The following NEDD4 variants were observed in gnomAD, a reference collection of about 807,000 sequenced individuals.
NEDD4 encodes E3 ubiquitin-protein ligase NEDD4.
A neutral mutation model predicts 144.9 loss-of-function variants in NEDD4; 99 were observed. That is an observed-to-expected ratio of 0.68 (90% confidence interval 0.58 to 0.81). The LOEUF is 0.81. Among genes scored for constraint, NEDD4 ranks in the 30% least tolerant of loss-of-function variants. NEDD4 has a pLI of 0.00. For synonymous variants in NEDD4, 318 were observed against 350.6 expected (o/e 0.91, Z 1.04); for missense variants, 985 against 1,065.9 (o/e 0.92, Z 1.06).
At chr15:55,909,872 T>A (rs1383604522) in intron 5 of NEDD4, among the ~76,000 whole-genome samples, 1 of 152,188 alleles carries the variant, frequency 6.6e-6, no homozygotes, top group Non-Finnish European at 1.5e-5. Flanking sequence ...CTATTTTGTC[T>A]CGTCTTATTT....
At chr15:55,977,611 C>G (rs2037727307) in intron 1 of NEDD4, among the ~76,000 whole-genome samples, 1 of 151,814 alleles carries the variant, frequency 6.6e-6, no homozygotes, top group African/African-American at 2.4e-5. Flanking sequence ...AAATATATAG[C>G]TGATCTTTCA....
chr15:55,941,510 T>A (rs191942085), intron 4 of NEDD4, among the ~76,000 whole-genome samples: 20 of 152,250 alleles, frequency 1.3e-4, no homozygotes, highest in Non-Finnish European at 2.5e-4. Context: ...TACATACGTG[T>A]GTTACTGAAT....
At chr15:55,916,561 G>C (rs1257652716) in intron 5 of NEDD4, 1 of 1,614,078 alleles carries the variant, frequency 6.2e-7, no homozygotes, top group African/African-American at 1.3e-5. Context: ...GTTGGCTGTA[G>C]TGAAATCTGT....
At chr15:55,908,763 C>T (rs894644894) in intron 5 of NEDD4, among the ~76,000 whole-genome samples, 13 of 152,088 alleles carry the variant, frequency 8.5e-5, no homozygotes, top group African/African-American at 2.9e-4. Flanking sequence ...GCCTGTGAGT[C>T]GGACACAGCA....
intron 5 of NEDD4, among the ~76,000 whole-genome samples, chr15:55,877,446 G>A (rs1412618689): frequency 1.3e-5 from 2 of 152,178 alleles, no homozygotes; most frequent in South Asian, 2.1e-4. Context: ...GGAGGCACAC[G>A]ATACTGATTT....
chr15:55,914,966 T>A (rs1454957069), intron 5 of NEDD4, among the ~76,000 whole-genome samples: 2 of 152,138 alleles, frequency 1.3e-5, no homozygotes, highest in East Asian at 3.9e-4. Flanking sequence ...CAAGATAAAA[T>A]GTTATGAAAT....
chr15:55,884,640 G>C (rs1037362374), intron 5 of NEDD4, among the ~76,000 whole-genome samples: 3 of 151,882 alleles, frequency 2.0e-5, no homozygotes, highest in East Asian at 1.9e-4. Flanking sequence ...TTCTGGAGCT[G>C]AAAAAAGCAA....
intron 1 of NEDD4, among the ~76,000 whole-genome samples, chr15:55,974,918 G>A (rs1411985413): frequency 1.9e-5 from 1 of 53,724 alleles, no homozygotes. Context: ...TTTTTGAGAT[G>A]GAGTCTTGCT....
chr15:55,971,814 A>AACC (rs1210124320), intron 1 of NEDD4, among the ~76,000 whole-genome samples: 4 of 152,158 alleles, frequency 2.6e-5, no homozygotes, highest in Non-Finnish European at 4.4e-5. Context: ...GACATTTAGT[A>AACC]ACCAAACTCC....
At chr15:55,920,279 T>C (rs558570887) in intron 5 of NEDD4, among the ~76,000 whole-genome samples, 11 of 152,236 alleles carry the variant, frequency 7.2e-5, no homozygotes, top group Admixed American at 7.2e-4. Flanking sequence ...CTATTGTTTC[T>C]GTTTCTCTGG....
At chr15:55,992,750 T>A (rs1421565672) in intron 1 of NEDD4, among the ~76,000 whole-genome samples, 2 of 152,208 alleles carry the variant, frequency 1.3e-5, no homozygotes, top group African/African-American at 4.8e-5. Flanking sequence ...TAATCAGCAT[T>A]AGTTATTTAG....
In NEDD4 at chr15:55,951,380, A is replaced by C; in HGVS notation, c.233T>G (p.Phe78Cys). 1.1e-6 allele frequency: 1 copy of C among 952,084 alleles called. No individual in the cohort carries two copies. The highest frequency in any genetic ancestry group is 1.7e-5 in the South Asian group (1 of 60,032). 59.0% of individuals were successfully genotyped at this position (952,084 alleles called of 1,614,324 possible). ...LNPKWNEEILFRVHPQQHRLL... is the reference protein window; with the variant it reads ...LNPKWNEEILCRVHPQQHRLL... ...TAAAATAAAATATATACTTACTCTG[A>C]ATAATATTTCTTCATTCCACTTTGG... Residue 78 changes from phenylalanine to cysteine, a missense_variant, in exon 4 of 29, where the codon TTC (phenylalanine) becomes TGC (cysteine). By Grantham distance (205) the Phe-to-Cys change is radical. Coordinates refer to ENST00000435532, the MANE Select transcript of NEDD4 (RefSeq NM_006154.4).
intron 5 of NEDD4, chr15:55,916,775 C>T: frequency 1.9e-6 from 3 of 1,613,656 alleles, no homozygotes; most frequent in Non-Finnish European, 2.5e-6. Context: ...AGGTTTCTGA[C>T]AAAGGGTAAG....
At chr15:55,906,610 C>T (rs2036104447) in intron 5 of NEDD4, among the ~76,000 whole-genome samples, 1 of 149,430 alleles carries the variant, frequency 6.7e-6, no homozygotes. Flanking sequence ...AGAAGGGGAA[C>T]ATCACACACC....
chr15:55,984,880 T>C (rs2037864616), intron 1 of NEDD4, among the ~76,000 whole-genome samples: 1 of 152,212 alleles, frequency 6.6e-6, no homozygotes, highest in Non-Finnish European at 1.5e-5. Flanking sequence ...GGTTCAGCAA[T>C]TCAAATCAGC....
At chr15:55,830,047 G>T in intron 28 of NEDD4, 48 bp from the exon 29 acceptor site, 1 of 1,308,378 alleles carries the variant, frequency 7.6e-7, no homozygotes, top group Non-Finnish European at 1.1e-6. Flanking sequence ...GACAAAGCAA[G>T]TACCACCACA....
At chr15:55,896,525 G>A (rs769855705) in intron 5 of NEDD4, among the ~76,000 whole-genome samples, 6 of 152,106 alleles carry the variant, frequency 3.9e-5, no homozygotes, top group African/African-American at 7.2e-5. Flanking sequence ...ATACTAAATT[G>A]CTAATTTCCT....
At chr15:55,849,494 G>A (rs2033891933) in intron 14 of NEDD4, among the ~76,000 whole-genome samples, 1 of 151,956 alleles carries the variant, frequency 6.6e-6, no homozygotes, top group African/African-American at 2.4e-5. Flanking sequence ...CAAAGTGCTG[G>A]GATCACTGTG....
At position 55,861,627 on chromosome 15, in the gene NEDD4, T is replaced by C. The variant is rs559292924; in HGVS notation, c.675-849A>G. Among the ~76,000 whole-genome samples the C allele has an allele frequency of 6.6e-5, 10 of 152,264 alleles. No individual in the cohort carries two copies. In the South Asian group the frequency reaches 2.1e-3, roughly 32 times the overall value. On this transcript the variant is annotated intron_variant, in intron 9 of 28. Coordinates refer to ENST00000435532, the MANE Select transcript of NEDD4 (RefSeq NM_006154.4). ...ATGTGATTATTATGCCTTGCATGCC[T>C]GTATCAAAACCTCTCATGTACCCCA...
Sources: allele counts gnomAD v4.1 joint callset (sites outside exome capture counted in the v4.1 genomes callset), GRCh38; gene constraint gnomAD v4.1.1; transcripts MANE v1.5; gene names NCBI Gene and HGNC (gene_info 2026-07-23, HGNC 2026-07-21).